The following GRM7 variants were observed in gnomAD, a reference collection of about 807,000 sequenced individuals.
The protein encoded by GRM7 is metabotropic glutamate receptor 7.
Under a neutral mutation model 84.5 loss-of-function variants are expected in GRM7, and 35 were observed. That is an observed-to-expected ratio of 0.41 (90% CI 0.32 to 0.55). The LOEUF is 0.55. Ranked by LOEUF, GRM7 falls within the 20% of genes least tolerant of loss-of-function variation. GRM7 has a pLI of 0.19. For missense variants in GRM7, 1,003 were observed against 1,194.6 expected (o/e 0.84, Z 2.36); for synonymous variants, 487 against 455.1 (o/e 1.07, Z -0.89).
chr3:7,469,611 C>A (rs1175533728), intron 7 of GRM7, among the ~76,000 whole-genome samples: 1 of 152,072 alleles, frequency 6.6e-6, no homozygotes, highest in African/African-American at 2.4e-5. Context: ...TTACAGGAAG[C>A]ATCAAAACAG....
chr3:7,722,010 A>G (rs1038871709), intron 9 of GRM7, among the ~76,000 whole-genome samples: 7 of 152,226 alleles, frequency 4.6e-5, no homozygotes, highest in African/African-American at 1.7e-4. Flanking sequence ...TCCTTTTTCA[A>G]TCAATGGATG....
At chr3:7,650,113 G>A (rs890588415) in intron 8 of GRM7, among the ~76,000 whole-genome samples, 3 of 152,098 alleles carry the variant, frequency 2.0e-5, no homozygotes, top group East Asian at 1.9e-4. Context: ...TTTATCCTAC[G>A]CAAGGAAAAT....
At chr3:6,927,549 A>T (rs1697357396) in intron 1 of GRM7, among the ~76,000 whole-genome samples, 1 of 152,086 alleles carries the variant, frequency 6.6e-6, no homozygotes, top group Non-Finnish European at 1.5e-5. Context: ...TCTAGTAGTT[A>T]AATTAGGAAA....
At chr3:7,128,590 C>T (rs1168757749) in intron 1 of GRM7, among the ~76,000 whole-genome samples, 1 of 129,616 alleles carries the variant, frequency 7.7e-6, no homozygotes, top group Non-Finnish European at 1.7e-5. Flanking sequence ...TCACTGCAAC[C>T]TCCGCCTCCC....
intron 6 of GRM7, 93 bp from the exon 7 acceptor site, chr3:7,461,490 C>T: frequency 1.9e-6 from 2 of 1,061,392 alleles, no homozygotes; most frequent in Non-Finnish European, 2.8e-6. Flanking sequence ...CTACCTTTCT[C>T]CTCGTTAAGT....
chr3:7,091,817 C>G (rs953432991), intron 1 of GRM7, among the ~76,000 whole-genome samples: 1 of 150,340 alleles, frequency 6.7e-6, no homozygotes, highest in African/African-American at 2.5e-5. Flanking sequence ...TATACAGTAG[C>G]TACCTTATGC....
At chr3:7,547,031 G>A (rs978816115) in intron 7 of GRM7, among the ~76,000 whole-genome samples, 1 of 151,866 alleles carries the variant, frequency 6.6e-6, no homozygotes, top group African/African-American at 2.4e-5. Context: ...AAATCAGAAC[G>A]CAATCTGAAT....
chr3:7,366,379 G>A (rs1220835201), intron 4 of GRM7, among the ~76,000 whole-genome samples: 1 of 151,782 alleles, frequency 6.6e-6, no homozygotes, highest in East Asian at 1.9e-4. Flanking sequence ...CACTTTCCAG[G>A]TTTTTAAAAT....
At chr3:7,038,074 C>T (rs1405903260) in intron 1 of GRM7, among the ~76,000 whole-genome samples, 2 of 152,128 alleles carry the variant, frequency 1.3e-5, no homozygotes, top group East Asian at 3.8e-4. Flanking sequence ...AAGTTTTCTT[C>T]TCATGTTTAG....
Position 7,597,408 on chromosome 3 carries a change from A to G in GRM7, c.2451+18051A>G, listed in dbSNP as rs1696101407. On this transcript the variant is annotated intron_variant, in intron 8 of 9. Transcript: ENST00000357716. ...ACATGAGATTTGGGAGGAGACAAAT[A>G]TCCAAACTATAGCACCTTTTAAAAA... Among the ~76,000 whole-genome samples the G allele has an allele frequency of 2.6e-5, 4 of 152,176 alleles. No individual in the cohort carries two copies. In the South Asian group the frequency reaches 8.3e-4, roughly 32 times the overall value.
At chr3:7,296,300 T>G (rs994511670) in intron 2 of GRM7, among the ~76,000 whole-genome samples, 1 of 152,154 alleles carries the variant, frequency 6.6e-6, no homozygotes, top group Admixed American at 6.6e-5. Flanking sequence ...TGTTAACATA[T>G]TTTTAAGAAT....
chr3:7,013,599 CT>C (rs1695460035), intron 1 of GRM7, among the ~76,000 whole-genome samples: 2 of 152,222 alleles, frequency 1.3e-5, no homozygotes, highest in East Asian at 3.9e-4. Context: ...TTTATCCTCT[CT>C]CTTATATGAG....
intron 4 of GRM7, among the ~76,000 whole-genome samples, chr3:7,385,915 A>G (rs1419763328): frequency 6.6e-6 from 1 of 152,242 alleles, no homozygotes; most frequent in South Asian, 2.1e-4. Context: ...AATGGAATGC[A>G]TTCATAGGAA....
intron 1 of GRM7, among the ~76,000 whole-genome samples, chr3:6,996,249 C>T (rs1479529305): frequency 2.0e-5 from 3 of 151,990 alleles, no homozygotes; most frequent in Non-Finnish European, 4.4e-5. Flanking sequence ...GGGATGTCAC[C>T]GTGTTTGCCA....
intron 8 of GRM7, among the ~76,000 whole-genome samples, chr3:7,595,340 G>C (rs1695985988): frequency 6.6e-6 from 1 of 152,192 alleles, no homozygotes; most frequent in Non-Finnish European, 1.5e-5. Flanking sequence ...AGCTGAAGTA[G>C]TAATGAGAAG....
At chr3:7,351,860 GT>G (rs1217739764) in intron 4 of GRM7, among the ~76,000 whole-genome samples, 1 of 151,934 alleles carries the variant, frequency 6.6e-6, no homozygotes, top group Non-Finnish European at 1.5e-5. Context: ...GAGTTCCTTG[GT>G]TTTGAGGCTT....
chr3:7,127,665 G>A (rs1490457105), intron 1 of GRM7, among the ~76,000 whole-genome samples: 5 of 152,146 alleles, frequency 3.3e-5, no homozygotes, highest in African/African-American at 1.2e-4. Context: ...AGTTAGTAAT[G>A]TGTGGAGTAT....
At chr3:6,905,567 T>C (rs1284644822) in intron 1 of GRM7, among the ~76,000 whole-genome samples, 1 of 100,360 alleles carries the variant, frequency 1.0e-5, no homozygotes, top group Non-Finnish European at 1.8e-5. Context: ...CCTTATCCCT[T>C]CCTCTTTCTC....
intron 8 of GRM7, among the ~76,000 whole-genome samples, chr3:7,650,613 C>T (rs951375871): frequency 3.3e-5 from 5 of 152,170 alleles, no homozygotes; most frequent in African/African-American, 1.2e-4. Context: ...TTATTGATTA[C>T]AATAGCACTA....
Sources: allele counts gnomAD v4.1 joint callset (sites outside exome capture counted in the v4.1 genomes callset), GRCh38; gene constraint gnomAD v4.1.1; transcripts MANE v1.5; gene names NCBI Gene and HGNC (gene_info 2026-07-23, HGNC 2026-07-21).